CNTNAP2: variants seen among roughly 807,000 people sequenced by gnomAD.
The protein encoded by CNTNAP2 is contactin associated protein 2.
Under a neutral mutation model 155.2 loss-of-function variants are expected in CNTNAP2, and 98 were observed. That is an observed-to-expected ratio of 0.63 (90% CI 0.54 to 0.75). The LOEUF (loss-of-function observed/expected upper bound fraction) is 0.75. Among genes scored for constraint, CNTNAP2 ranks in the 30% least tolerant of loss-of-function variants. The probability of loss-of-function intolerance (pLI) is 0.00; values close to 1 mark genes in which losing one functional copy is unlikely to be tolerated. For missense variants in CNTNAP2, 1,727 were observed against 1,688.1 expected (o/e 1.02, Z -0.40); for synonymous variants, 651 against 631.2 (o/e 1.03, Z -0.47).
At chr7:147,572,313 A>AAG (rs1015631676) in intron 12 of CNTNAP2, among the ~76,000 whole-genome samples, 3 of 151,602 alleles carry the variant, frequency 2.0e-5, no homozygotes, top group African/African-American at 7.3e-5. Context: ...AAAAAAAAAA[A>AAG]AGAGAGGAAA....
At chr7:147,494,468 C>CAAAAAAAA (rs10562874) in intron 11 of CNTNAP2, among the ~76,000 whole-genome samples, 2,540 of 116,054 alleles carry the variant, frequency 0.022, 117 homozygotes, top group Admixed American at 0.05. Context: ...TGAGTCTTGG[C>CAAAAAAAA]AAAAAAAAAA....
At chr7:147,762,379 G>A (rs1449635632) in intron 13 of CNTNAP2, among the ~76,000 whole-genome samples, 1 of 152,092 alleles carries the variant, frequency 6.6e-6, no homozygotes, top group Non-Finnish European at 1.5e-5. Context: ...AGCCACTGAA[G>A]ATTTTTGAAA....
chr7:147,811,624 T>C (rs1227388574), intron 13 of CNTNAP2, among the ~76,000 whole-genome samples: 3 of 152,184 alleles, frequency 2.0e-5, no homozygotes, highest in African/African-American at 7.2e-5. Flanking sequence ...AAGTATATGA[T>C]TATCAAATAT....
chr7:147,727,631 T>C (rs537846715), intron 13 of CNTNAP2, among the ~76,000 whole-genome samples: 1 of 151,982 alleles, frequency 6.6e-6, no homozygotes, highest in Non-Finnish European at 1.5e-5. Flanking sequence ...GTAGAAATTA[T>C]GACACTTATT....
intron 13 of CNTNAP2, among the ~76,000 whole-genome samples, chr7:147,850,820 T>C (rs1194720558): frequency 6.6e-6 from 1 of 152,146 alleles, no homozygotes; most frequent in African/African-American, 2.4e-5. Flanking sequence ...ATAAAAACTC[T>C]AGAAGAAAAC....
At chr7:147,418,972 G>A (rs1797243746) in intron 10 of CNTNAP2, among the ~76,000 whole-genome samples, 1 of 152,164 alleles carries the variant, frequency 6.6e-6, no homozygotes, top group African/African-American at 2.4e-5. Context: ...ACTCAGTGGT[G>A]AACGTACTCA....
intron 1 of CNTNAP2, among the ~76,000 whole-genome samples, chr7:146,764,576 G>T (rs749800321): frequency 3.3e-5 from 5 of 150,982 alleles, no homozygotes; most frequent in Admixed American, 6.6e-5. Flanking sequence ...GTACATTACA[G>T]TTCAGTAGAT....
intron 13 of CNTNAP2, among the ~76,000 whole-genome samples, chr7:147,773,875 T>C (rs1055921347): frequency 6.6e-6 from 1 of 152,170 alleles, no homozygotes; most frequent in Non-Finnish European, 1.5e-5. Context: ...AGAACCTAAA[T>C]GACTTGATTC....
chr7:146,736,853 T>C (rs1227681217), intron 1 of CNTNAP2, among the ~76,000 whole-genome samples: 1 of 152,054 alleles, frequency 6.6e-6, no homozygotes, highest in Non-Finnish European at 1.5e-5. Flanking sequence ...CATTGTTGAG[T>C]TTTCTGCCTT....
chr7:146,406,752 A>G (rs1357998714), intron 1 of CNTNAP2, among the ~76,000 whole-genome samples: 2 of 152,152 alleles, frequency 1.3e-5, no homozygotes, highest in Non-Finnish European at 2.9e-5. Flanking sequence ...CTTTTGTATC[A>G]GAGTAAGGTA....
At chr7:147,333,363 G>T (rs777106099) in intron 9 of CNTNAP2, among the ~76,000 whole-genome samples, 19 of 152,016 alleles carry the variant, frequency 1.2e-4, no homozygotes, top group South Asian at 4.2e-4. Flanking sequence ...TAAATGAAAG[G>T]CACTTTAGGC....
chr7:147,116,038 AT>A (rs1800980964), intron 5 of CNTNAP2, among the ~76,000 whole-genome samples: 5 of 151,984 alleles, frequency 3.3e-5, no homozygotes, highest in Admixed American at 3.3e-4. Context: ...TTTTCTTTTA[AT>A]AGCCCTGTAG....
At chr7:146,412,652 G>A (rs545575497) in intron 1 of CNTNAP2, among the ~76,000 whole-genome samples, 69 of 152,234 alleles carry the variant, frequency 4.5e-4, no homozygotes, top group African/African-American at 1.2e-3. Context: ...ATTTCTTTTC[G>A]GTGCATATTA....
intron 11 of CNTNAP2, among the ~76,000 whole-genome samples, chr7:147,529,496 G>A (rs745917670): frequency 6.6e-6 from 1 of 151,980 alleles, no homozygotes; most frequent in Non-Finnish European, 1.5e-5. Context: ...GTGGCTTTTT[G>A]AGAATTATTT....
intron 1 of CNTNAP2, among the ~76,000 whole-genome samples, chr7:146,394,592 A>G (rs1250375231): frequency 6.6e-6 from 1 of 152,120 alleles, no homozygotes; most frequent in Non-Finnish European, 1.5e-5. Context: ...AAGGAGGCAA[A>G]CTGAGAGTAT....
At chr7:147,025,342 G>C (rs189806992) in intron 3 of CNTNAP2, among the ~76,000 whole-genome samples, 162 of 30,462 alleles carry the variant, frequency 5.3e-3, no homozygotes, top group South Asian at 8.0e-3. Flanking sequence ...AAGAAAGGGG[G>C]GAGGGGAGGG....
intron 1 of CNTNAP2, among the ~76,000 whole-genome samples, chr7:146,308,147 C>A (rs938328396): frequency 1.3e-5 from 2 of 152,042 alleles, no homozygotes; most frequent in Non-Finnish European, 2.9e-5. Context: ...ATCAAACAAC[C>A]CCATCAAAAA....
intron 13 of CNTNAP2, among the ~76,000 whole-genome samples, chr7:147,719,281 T>A (rs1388480574): frequency 1.3e-5 from 2 of 152,018 alleles, no homozygotes; most frequent in Non-Finnish European, 2.9e-5. Flanking sequence ...GAATGTTTTT[T>A]CTCTCTCTCT....
rs538745904 is a variant in CNTNAP2, at chr7:147,992,352, T to A, written c.2383+14363T>A. Among the ~76,000 whole-genome samples, 11 of 152,230 alleles carry A rather than the reference T, an allele frequency of 7.2e-5. No individual in the cohort carries two copies. In the East Asian group the frequency reaches 2.1e-3, roughly 29 times the overall value. ...ATCTCAAACTCCTGACCTTAAGTGA[T>A]CTGCCCACCTCGGCCTCTCAAAGTG... On this transcript the variant is annotated intron_variant, in intron 15 of 23. Transcript: ENST00000361727.
Sources: allele counts gnomAD v4.1 joint callset (sites outside exome capture counted in the v4.1 genomes callset), GRCh38; gene constraint gnomAD v4.1.1; transcripts MANE v1.5; gene names NCBI Gene and HGNC (gene_info 2026-07-23, HGNC 2026-07-21).